The following PAPPA2 variants were observed in gnomAD, a reference collection of about 807,000 sequenced individuals.
PAPPA2 encodes the protein pappalysin 2.
PAPPA2 carries 86 observed loss-of-function variants against 176.4 expected under a neutral mutation model. The observed-to-expected ratio is 0.49, with a 90% confidence interval of 0.41 to 0.58. The LOEUF (loss-of-function observed/expected upper bound fraction) is 0.58. PAPPA2 is among the 20% of genes least tolerant of loss of function. The probability of loss-of-function intolerance (pLI) is 0.00; values close to 1 mark genes in which losing one functional copy is unlikely to be tolerated. For missense variants in PAPPA2, 2,073 were observed against 2,256.9 expected (o/e 0.92, Z 1.65); for synonymous variants, 809 against 852.2 (o/e 0.95, Z 0.88).
intron 1 of PAPPA2, among the ~76,000 whole-genome samples, chr1:176,490,634 A>G (rs1647237882): frequency 6.6e-6 from 1 of 152,166 alleles, no homozygotes; most frequent in Non-Finnish European, 1.5e-5. Flanking sequence ...TGCAGACTCC[A>G]TTAGTTGATG....
intron 3 of PAPPA2, among the ~76,000 whole-genome samples, chr1:176,669,322 C>G (rs914875463): frequency 6.6e-6 from 1 of 151,954 alleles, no homozygotes; most frequent in Non-Finnish European, 1.5e-5. Flanking sequence ...CCTTCATTCT[C>G]TTTTCTCTTC....
intron 3 of PAPPA2, among the ~76,000 whole-genome samples, chr1:176,659,899 G>A (rs1381454572): frequency 6.6e-6 from 1 of 152,070 alleles, no homozygotes; most frequent in East Asian, 1.9e-4. Context: ...ATATATGGCT[G>A]TGTATAATTT....
intron 2 of PAPPA2, among the ~76,000 whole-genome samples, chr1:176,584,265 G>A (rs577696670): frequency 6.6e-6 from 1 of 152,116 alleles, no homozygotes; most frequent in South Asian, 2.1e-4. Flanking sequence ...TGGGTATTGG[G>A]GTCTAGCTCT....
At chr1:176,664,899 T>C (rs894949967) in intron 3 of PAPPA2, among the ~76,000 whole-genome samples, 4 of 152,314 alleles carry the variant, frequency 2.6e-5, no homozygotes, top group Admixed American at 6.5e-5. Context: ...TCTGGTCTCT[T>C]GTGTGGCCTT....
Position 176,594,894 on chromosome 1 carries a change from G to A in PAPPA2, c.1290G>A (p.Ser430=), listed in dbSNP as rs746898916. The A allele has an allele frequency of 1.5e-5, 25 of 1,614,040 alleles. No homozygotes were observed. In the South Asian group the frequency reaches 1.6e-4, roughly 11 times the overall value. Residue 430 remains serine, a synonymous_variant, in exon 3 of 23, where the codon TCG becomes TCA. Transcript: ENST00000367662. ...RGHLGTLVFW[S]TALPQSHFQH... ...ACCTGGGCACACTGGTTTTCTGGTCGACCGCCCTGCCACAAAGCCATTTTC... is the reference window on the plus strand; with the variant it reads ...ACCTGGGCACACTGGTTTTCTGGTCAACCGCCCTGCCACAAAGCCATTTTC...
intron 2 of PAPPA2, among the ~76,000 whole-genome samples, chr1:176,570,834 G>A (rs1413075013): frequency 6.6e-6 from 1 of 152,072 alleles, no homozygotes; most frequent in African/African-American, 2.4e-5. Flanking sequence ...GTGGTGTGCT[G>A]CCAAAAGCCA....
Position 176,695,750 on chromosome 1 carries a change from C to G in PAPPA2, c.2637C>G (p.Ser879Arg), listed in dbSNP as rs138677844. The G allele has an allele frequency of 6.2e-7, 1 of 1,614,020 alleles. No individual in the cohort carries two copies. Among genetic ancestry groups the G allele is most frequent in the African/African-American group, 1.3e-5 (1 of 75,030 alleles). The change falls in exon 7 of 23, where the codon AGC (serine) becomes AGG (arginine). Residue 879 changes from serine (S) to arginine (R), a missense_variant. Around this residue, in one of 4 missense-constraint regions of PAPPA2, gnomAD observed 1,196 missense variants for 1,330.4 expected, o/e 0.90. Transcript: ENST00000367662. ...TTTATCTCCCCAGGGCCTCAGGCAG[C>G]TTGTGTGGCGCTTGCACTGAAGATG... ...SGVVYDRASG[S>R]LCGACTEDGT...
At chr1:176,537,054 C>T (rs80065819) in intron 1 of PAPPA2, among the ~76,000 whole-genome samples, 21,289 of 152,166 alleles carry the variant, frequency 0.14, 1,674 homozygotes, top group African/African-American at 0.19. Context: ...CCCATGCATT[C>T]AGCCTTCATA....
At chr1:176,739,510 AT>A (rs1022380058) in intron 12 of PAPPA2, 115 bp from the exon 13 acceptor site, 2 of 1,142,064 alleles carry the variant, frequency 1.8e-6, no homozygotes, top group Non-Finnish European at 1.2e-6. Context: ...TATAAAAAAA[AT>A]GGAAGCTCTT....
chr1:176,538,998 C>T (rs1375559432), intron 1 of PAPPA2, among the ~76,000 whole-genome samples: 3 of 152,142 alleles, frequency 2.0e-5, no homozygotes, highest in African/African-American at 7.2e-5. Flanking sequence ...TTCCTTTCAC[C>T]CACATGCTAA....
At chr1:176,626,439 G>T (rs1656019088) in intron 3 of PAPPA2, among the ~76,000 whole-genome samples, 1 of 152,226 alleles carries the variant, frequency 6.6e-6, no homozygotes, top group South Asian at 2.1e-4. Flanking sequence ...TTGCTTAGAG[G>T]ACTGGAGAGT....
At position 176,690,160 on chromosome 1, in the gene PAPPA2, T is replaced by C. The variant is rs1198822333; in HGVS notation, c.2161T>C (p.Tyr721His). Residue 721 changes from tyrosine (Y) to histidine (H), a missense_variant, in exon 5 of 23, where the codon TAT becomes CAT. Coordinates refer to ENST00000367662, the MANE Select transcript of PAPPA2 (RefSeq NM_020318.3). The stretch of plus-strand genomic sequence containing the variant: ...AGGTGGCATTGTCCTCAGCCCAGCA[T>C]ATTATGGGATGCCTGGCCACACCGA... ...HLGGIVLSPA[Y>H]YGMPGHTDTM... 1 of 1,612,812 alleles carries C rather than the reference T, an allele frequency of 6.2e-7. No individual in the cohort carries two copies. Among genetic ancestry groups the C allele is most frequent in the Non-Finnish European group, 8.5e-7 (1 of 1,179,036 alleles).
chr1:176,595,712 C>T, intron 3 of PAPPA2, 117 bp downstream of exon 3: 4 of 974,778 alleles, frequency 4.1e-6, no homozygotes, highest in Non-Finnish European at 5.9e-6. Flanking sequence ...CATTAATCCA[C>T]CCCATCAGAC....
At chr1:176,718,887 T>A (rs776703653) in intron 12 of PAPPA2, among the ~76,000 whole-genome samples, 7 of 152,066 alleles carry the variant, frequency 4.6e-5, no homozygotes, top group Non-Finnish European at 8.8e-5. Flanking sequence ...TCCATATATT[T>A]AAAATGTCAT....
chr1:176,762,399 G>C (rs528182173), intron 14 of PAPPA2, among the ~76,000 whole-genome samples: 115 of 152,246 alleles, frequency 7.6e-4, no homozygotes, highest in African/African-American at 2.7e-3. Flanking sequence ...TTTTGATGGA[G>C]GGAGGCTCAT....
At chr1:176,627,810 T>C (rs1656115554) in intron 3 of PAPPA2, among the ~76,000 whole-genome samples, 1 of 151,780 alleles carries the variant, frequency 6.6e-6, no homozygotes, top group African/African-American at 2.4e-5. Flanking sequence ...AAAAGCAGAG[T>C]GTAAGAGTCC....
rs544987356 is a variant in PAPPA2, at chr1:176,696,216, C to T, written c.2746+357C>T. Among the ~76,000 whole-genome samples, 14 of 150,008 alleles carry T rather than the reference C, an allele frequency of 9.3e-5. 1 individual carries two copies. Among genetic ancestry groups the T allele is most frequent in the East Asian group, 2.0e-4 (1 of 4,982 alleles). ...TGTGCCTACTGGTCCTTGGAGTAGC[C>T]GTGCCATGTGACAGTGTAAGCTGAC... is the stretch of plus-strand genomic sequence containing the variant. On this transcript the variant is annotated intron_variant, in intron 7 of 22. Transcript: ENST00000367662.
chr1:176,826,867 T>G (rs888106807), intron 21 of PAPPA2, among the ~76,000 whole-genome samples: 12 of 152,214 alleles, frequency 7.9e-5, no homozygotes, highest in Non-Finnish European at 1.6e-4. Context: ...TTGTAGAGCT[T>G]CTCACTGTGA....
intron 3 of PAPPA2, among the ~76,000 whole-genome samples, chr1:176,652,150 C>G (rs1402083227): frequency 6.7e-6 from 1 of 150,230 alleles, no homozygotes; most frequent in East Asian, 2.0e-4. Context: ...GTCACTGGTT[C>G]TTTGTTTTGT....
Sources: allele counts gnomAD v4.1 joint callset (sites outside exome capture counted in the v4.1 genomes callset), GRCh38; gene constraint gnomAD v4.1.1; regional missense constraint gnomAD v4.1.1; transcripts MANE v1.5; gene names NCBI Gene and HGNC (gene_info 2026-07-23, HGNC 2026-07-21).